The following RIF1 variants were observed in gnomAD, a reference collection of about 807,000 sequenced individuals.
The protein encoded by RIF1 is replication timing regulatory factor 1.
RIF1 carries 45 observed loss-of-function variants against 247.1 expected under a neutral mutation model. That is an observed-to-expected ratio of 0.18 (90% CI 0.14 to 0.23). The LOEUF (loss-of-function observed/expected upper bound fraction) is 0.23. Among genes scored for constraint, RIF1 ranks in the 10% least tolerant of loss-of-function variants. The probability of loss-of-function intolerance (pLI) is 1.00; values close to 1 mark genes in which losing one functional copy is unlikely to be tolerated. For missense variants in RIF1, 2,967 were observed against 2,862.5 expected (o/e 1.04, Z -0.83); for synonymous variants, 1,087 against 978.8 (o/e 1.11, Z -2.06).
the RIF1 span, among the ~76,000 whole-genome samples, chr2:151,513,344 T>G: frequency 6.6e-6 from 1 of 152,204 alleles, no homozygotes; most frequent in African/African-American, 2.4e-5. Context: ...ATTCCTCAGT[T>G]TCTGCCCTTT....
chr2:151,435,346 C>T (rs751209194), intron 10 of RIF1, 117 bp from the exon 11 acceptor site: 10 of 661,752 alleles, frequency 1.5e-5, no homozygotes, highest in South Asian at 6.4e-5. Flanking sequence ...TGCATGGAAA[C>T]GATCTGTAAA....
downstream of RIF1, chr2:151,485,875 T>C (rs201714437): frequency 7.4e-4 from 1,193 of 1,613,906 alleles, no homozygotes; most frequent in Non-Finnish European, 9.8e-4. Flanking sequence ...ATCTCCATCC[T>C]TGAAGGACAC....
rs571658026 is a variant in RIF1, at chr2:151,422,893, G to T, written c.694-57G>T. ...TTTTGAAAATTATTCCTAGACTTTGGTATTGGATTTTTTTTTCTAAGAGTC... is the reference window on the plus strand; with the variant it reads ...TTTTGAAAATTATTCCTAGACTTTGTTATTGGATTTTTTTTTCTAAGAGTC... On this transcript the variant is annotated intron_variant, in intron 7 of 35. Transcript: ENST00000444746. 1,780 of 878,990 alleles carry T rather than the reference G, an allele frequency of 2.0e-3. 4 individuals carry two copies. Among genetic ancestry groups the T allele is most frequent in the Non-Finnish European group, 2.5e-3 (1,368 of 538,078 alleles). The allele number at this position is 878,990 out of a possible 1,614,324, so 54.4% of individuals were successfully genotyped here. A position where few individuals can be genotyped will look rare whatever the true frequency, so the allele number is the denominator to read the frequency against.
At chr2:151,414,273 CGA>C (rs1330572467) in intron 3 of RIF1, among the ~76,000 whole-genome samples, 1 of 141,668 alleles carries the variant, frequency 7.1e-6, no homozygotes, top group Non-Finnish European at 1.5e-5. Context: ...GCAACAAGAG[CGA>C]AACTCTGTCT....
At chr2:151,526,962 T>G in the RIF1 span, 1 of 1,604,590 alleles carries the variant, frequency 6.2e-7, no homozygotes, top group Admixed American at 1.7e-5. Context: ...ACCGTGTTTT[T>G]GTCATCAGTG....
At chr2:151,470,694 G>A (rs1045331538) in intron 34 of RIF1, among the ~76,000 whole-genome samples, 2 of 151,996 alleles carry the variant, frequency 1.3e-5, no homozygotes, top group African/African-American at 4.8e-5. Context: ...TCAGACCTGG[G>A]GTTTGCCAGC....
intron 11 of RIF1, among the ~76,000 whole-genome samples, chr2:151,501,780 GAAATTA>G (rs1283194784): frequency 6.6e-6 from 1 of 151,946 alleles, no homozygotes; most frequent in East Asian, 1.9e-4. Flanking sequence ...CAAACTAATT[GAAATTA>G]ATATCCATGA....
At chr2:151,430,471 G>A (rs1336186999) in intron 9 of RIF1, among the ~76,000 whole-genome samples, 3 of 151,868 alleles carry the variant, frequency 2.0e-5, no homozygotes, top group Admixed American at 6.6e-5. Context: ...ACAGGCGCCC[G>A]CTGCCACGTC....
Position 151,464,613 on chromosome 2 carries a change from C to T in RIF1, c.5093C>T (p.Ser1698Leu). ...SFDNCSLGES[S>L]KIGISDISSL... ...GATAATTGTAGTTTGGGAGAATCCT[C>T]AAAAATAGGGATATCAGATATTTCT... The change falls in exon 30 of 36, where the codon TCA becomes TTA. Residue 1698 changes from serine to leucine, a missense_variant. Physicochemically the swap from Ser to Leu is moderately radical, Grantham distance 145. Transcript: ENST00000444746. 1 of 1,613,410 alleles carries T rather than the reference C, an allele frequency of 6.2e-7. No homozygotes were observed. Among genetic ancestry groups the T allele is most frequent in the Non-Finnish European group, 8.5e-7 (1 of 1,179,702 alleles).
chr2:151,440,951 T>A (rs950058058), intron 15 of RIF1, among the ~76,000 whole-genome samples: 3 of 152,230 alleles, frequency 2.0e-5, no homozygotes, highest in Non-Finnish European at 2.9e-5. Flanking sequence ...TTCACTGACA[T>A]AACTCTTCTA....
the RIF1 span, chr2:151,516,530 C>T: frequency 3.7e-5 from 59 of 1,612,848 alleles, no homozygotes; most frequent in Non-Finnish European, 4.8e-5. Context: ...ATGGGTTTTC[C>T]TCGTTCCTTT....
At chr2:151,432,262 A>C (rs1255262358) in intron 9 of RIF1, among the ~76,000 whole-genome samples, 2 of 152,204 alleles carry the variant, frequency 1.3e-5, no homozygotes, top group South Asian at 4.1e-4. Context: ...AACCTGCCTC[A>C]TCCTCCCAAA....
At chr2:151,423,352 T>C (rs1316771078) in intron 8 of RIF1, 1 of 227,730 alleles carries the variant, frequency 4.4e-6, no homozygotes, top group Non-Finnish European at 8.4e-6. Flanking sequence ...GTCCTTTTTA[T>C]AATCCATGTA....
chr2:151,530,914 G>T, the RIF1 span: 1 of 883,738 alleles, frequency 1.1e-6, no homozygotes, highest in Non-Finnish European at 1.8e-6. Context: ...CACAGGAATA[G>T]ATAACTGGAC....
At chr2:151,519,535 G>A in the RIF1 span, 1 of 731,762 alleles carries the variant, frequency 1.4e-6, no homozygotes, top group Non-Finnish European at 2.2e-6. Flanking sequence ...AAAACATTTT[G>A]GAAATAGTGA....
chr2:151,492,176 T>C (rs1270815952), intron 9 of RIF1: 1 of 1,613,878 alleles, frequency 6.2e-7, no homozygotes, highest in Non-Finnish European at 8.5e-7. Flanking sequence ...CGGTAGTTAA[T>C]GTCACTGAAG....
chr2:151,522,553 C>T, the RIF1 span, among the ~76,000 whole-genome samples: 2 of 152,258 alleles, frequency 1.3e-5, no homozygotes, highest in Middle Eastern at 6.8e-3. Context: ...AAGTTTCATG[C>T]AGGAAAAGAA....
At chr2:151,410,166 A>C (rs1685892858) in intron 1 of RIF1, 133 bp downstream of exon 1, 1 of 653,594 alleles carries the variant, frequency 1.5e-6, no homozygotes, top group African/African-American at 1.8e-5. Context: ...CCTCTGTTGA[A>C]AGCTGCCCGG....
chr2:151,421,694 G>A (rs577121156), intron 7 of RIF1, among the ~76,000 whole-genome samples: 1 of 152,220 alleles, frequency 6.6e-6, no homozygotes, highest in African/African-American at 2.4e-5. Flanking sequence ...ACAGGCGTGA[G>A]CCACCACACC....
Sources: gnomAD v4.1 joint callset for allele counts (sites outside exome capture counted in the v4.1 genomes callset) on GRCh38, gnomAD v4.1.1 for gene constraint, MANE v1.5 for transcripts, NCBI Gene and HGNC (gene_info 2026-07-23, HGNC 2026-07-21) for gene names.